FRMPD4: variants seen among roughly 807,000 people sequenced by gnomAD.
The protein encoded by FRMPD4 is FERM and PDZ domain-containing protein 4.
FRMPD4 carries 22 observed loss-of-function variants against 94.1 expected under a neutral mutation model. The ratio of observed to expected loss-of-function variants is 0.23; its 90% confidence interval spans 0.17 to 0.33. FRMPD4 has a LOEUF of 0.33. Among genes scored for constraint, FRMPD4 ranks in the 10% least tolerant of loss-of-function variants. FRMPD4 has a pLI of 1.00. For synonymous variants in FRMPD4, 631 were observed against 548.6 expected (o/e 1.15, Z -2.10); for missense variants, 1,111 against 1,339.9 (o/e 0.83, Z 2.67).
chrX:12,559,821 T>C (rs2058634575), intron 2 of FRMPD4, among the ~76,000 whole-genome samples: 1 of 111,848 alleles, frequency 8.9e-6, no homozygotes, highest in South Asian at 3.7e-4. Context: ...ATTGTCAATT[T>C]AGGGAAGAGA....
At chrX:12,427,933 G>A (rs371602802) in intron 1 of FRMPD4, among the ~76,000 whole-genome samples, 1 of 71,364 alleles carries the variant, frequency 1.4e-5, no homozygotes, top group African/African-American at 5.9e-5. Context: ...TTTTTGAGAC[G>A]GAGTCTCACT....
At chrX:12,478,257 C>G (rs1240591111) in intron 1 of FRMPD4, among the ~76,000 whole-genome samples, 2 of 111,718 alleles carry the variant, frequency 1.8e-5, no homozygotes, top group African/African-American at 6.5e-5. Context: ...AGGACAGGAA[C>G]TGACAGGGAA....
intron 3 of FRMPD4, among the ~76,000 whole-genome samples, chrX:12,072,931 G>GTA (rs200918199): frequency 0.049 from 5,312 of 108,855 alleles, 354 homozygotes; most frequent in African/African-American, 0.17. Context: ...ATATATATAT[G>GTA]TATATATATA....
At chrX:12,594,896 G>A (rs923766205) in intron 2 of FRMPD4, among the ~76,000 whole-genome samples, 2 of 112,029 alleles carry the variant, frequency 1.8e-5, no homozygotes, top group African/African-American at 6.5e-5. Flanking sequence ...TCCCTTCACT[G>A]ATACTTACTA....
chrX:12,029,751 T>G (rs977617222), intron 3 of FRMPD4, among the ~76,000 whole-genome samples: 5 of 111,887 alleles, frequency 4.5e-5, no homozygotes, highest in African/African-American at 1.6e-4. Context: ...TCCCGTTTGA[T>G]TAAATTAATG....
chrX:12,275,960 C>A (rs2054428705), intron 1 of FRMPD4, among the ~76,000 whole-genome samples: 1 of 111,571 alleles, frequency 9.0e-6, no homozygotes, highest in Non-Finnish European at 1.9e-5. Flanking sequence ...AGGCAGTTTT[C>A]CTTTCTTGCC....
chrX:12,296,192 A>T (rs928734644), intron 1 of FRMPD4, among the ~76,000 whole-genome samples: 2 of 111,682 alleles, frequency 1.8e-5, no homozygotes, highest in Non-Finnish European at 3.8e-5. Flanking sequence ...AACATTGCTC[A>T]TAAGTGGTGT....
chrX:11,864,832 T>A (rs2053709147), intron 1 of FRMPD4, among the ~76,000 whole-genome samples: 1 of 111,902 alleles, frequency 8.9e-6, no homozygotes, highest in Non-Finnish European at 1.9e-5. Flanking sequence ...AAATGGATTT[T>A]TTTTTCTAGT....
intron 1 of FRMPD4, among the ~76,000 whole-genome samples, chrX:11,840,339 G>T (rs777603454): frequency 9.0e-6 from 1 of 111,359 alleles, no homozygotes; most frequent in Non-Finnish European, 1.9e-5. Flanking sequence ...TATTGTGGAT[G>T]AATTTTTTTA....
chrX:12,243,523 T>C (rs2053907178), intron 1 of FRMPD4, among the ~76,000 whole-genome samples: 1 of 111,884 alleles, frequency 8.9e-6, no homozygotes, highest in African/African-American at 3.2e-5. Context: ...TATGTTGTTA[T>C]AGCAGATATT....
chrX:12,172,337 T>G (rs1038160219), intron 1 of FRMPD4, among the ~76,000 whole-genome samples: 1 of 111,243 alleles, frequency 9.0e-6, no homozygotes, highest in Non-Finnish European at 1.9e-5. Flanking sequence ...TGGACACCCC[T>G]GGTTGATGCT....
chrX:12,057,293 A>G, intron 3 of FRMPD4, among the ~76,000 whole-genome samples: 1 of 111,479 alleles, frequency 9.0e-6, no homozygotes, highest in Non-Finnish European at 1.9e-5. Flanking sequence ...TTTAGCATAA[A>G]TGGAAGCTAT....
chrX:11,985,013 A>G (rs376892979), intron 3 of FRMPD4, among the ~76,000 whole-genome samples: 3 of 112,132 alleles, frequency 2.7e-5, no homozygotes, highest in African/African-American at 9.7e-5. Flanking sequence ...CTAGGGGGCC[A>G]CTATTAAGAA....
chrX:12,530,505 G>A, intron 2 of FRMPD4, among the ~76,000 whole-genome samples: 1 of 111,148 alleles, frequency 9.0e-6, no homozygotes, highest in Non-Finnish European at 1.9e-5. Context: ...AGAATTTACT[G>A]GAGTTACTAG....
intron 3 of FRMPD4, among the ~76,000 whole-genome samples, chrX:12,106,403 G>A (rs2055298202): frequency 9.0e-6 from 1 of 111,428 alleles, no homozygotes; most frequent in African/African-American, 3.3e-5. Context: ...CTGGGGGAGG[G>A]GGAATTAAGG....
chrX:11,838,680 C>T (rs145687516), intron 1 of FRMPD4, among the ~76,000 whole-genome samples: 2,462 of 111,198 alleles, frequency 0.022, 61 homozygotes, highest in African/African-American at 0.077. Context: ...AACCACTGAT[C>T]TGCTTTCTAT....
At chrX:12,502,053 T>C (rs1485445511) in intron 2 of FRMPD4, among the ~76,000 whole-genome samples, 1 of 112,188 alleles carries the variant, frequency 8.9e-6, no homozygotes, top group Non-Finnish European at 1.9e-5. Flanking sequence ...CACATTGGAA[T>C]AGACTGAGGA....
chrX:12,263,397 C>G (rs1275326195), intron 1 of FRMPD4, among the ~76,000 whole-genome samples: 3 of 111,370 alleles, frequency 2.7e-5, no homozygotes, highest in Non-Finnish European at 3.8e-5. Context: ...GAGGAAGTGA[C>G]AAATGATGAA....
intron 3 of FRMPD4, among the ~76,000 whole-genome samples, chrX:11,908,878 A>G (rs1168632070): frequency 8.9e-6 from 1 of 111,814 alleles, no homozygotes; most frequent in Non-Finnish European, 1.9e-5. Context: ...TTTCTTTTAT[A>G]TGTTACATCT....
Sources: allele counts gnomAD v4.1 joint callset (sites outside exome capture counted in the v4.1 genomes callset), GRCh38; gene constraint gnomAD v4.1.1; transcripts MANE v1.5; gene names NCBI Gene and HGNC (gene_info 2026-07-23, HGNC 2026-07-21).